The following SMPD4 variants were observed in gnomAD, a reference collection of about 807,000 sequenced individuals.
SMPD4 encodes sphingomyelin phosphodiesterase 4, also known as neutral sphingomyelinase 3.
SMPD4 carries 58 observed loss-of-function variants against 97.8 expected under a neutral mutation model. The ratio of observed to expected loss-of-function variants is 0.59; its 90% CI spans 0.48 to 0.74. The LOEUF (loss-of-function observed/expected upper bound fraction) is 0.74, where lower values mean the gene tolerates loss of function less well. SMPD4 is among the 30% of genes least tolerant of loss of function. The probability of loss-of-function intolerance (pLI) is 0.00; values close to 1 mark genes in which losing one functional copy is unlikely to be tolerated. For missense variants in SMPD4, 853 were observed against 1,080.5 expected (o/e 0.79, Z 2.95); for synonymous variants, 388 against 450.0 (o/e 0.86, Z 1.74).
rs564346261 is a variant in SMPD4 at position 130,179,422 on chromosome 2, C to CT, written c.-46+2107dup. ...AGGCATGACCCACCGCGCCCAGCCT[C>CT]TTTTTTCTTTTTTTGACTGAGTCTC... On this transcript the variant is annotated intron_variant, in intron 1 of 19. Transcript: ENST00000680298. Among the ~76,000 whole-genome samples the CT allele has an allele frequency of 1.3e-3, 205 of 152,038 alleles. 1 individual carries two copies. Among genetic ancestry groups the CT allele is most frequent in the Non-Finnish European group, 2.6e-3 (179 of 67,950 alleles).
In SMPD4 at chr2:130,166,308, CAAAAAAAA is replaced by C. The variant is rs56226182; in HGVS notation, c.792+1142_792+1149del. Among the ~76,000 whole-genome samples the C allele has an allele frequency of 1.9e-3, 118 of 60,924 alleles. 1 individual carries two copies. Among genetic ancestry groups the C allele is most frequent in the Non-Finnish European group, 2.9e-3 (93 of 31,728 alleles). The allele number at this position is 60,924 out of a possible 152,430, so 40.0% of individuals were successfully genotyped here. ...TGGACAACAGAGGGAGACTCCATCT[CAAAAAAAA>C]AAAAAAAAAAAAAAAAAATGCTTTG... On this transcript the variant is annotated intron_variant, in intron 9 of 19. Coordinates refer to ENST00000680298, the MANE Select transcript of SMPD4 (RefSeq NM_017951.5).
intron 11 of SMPD4, chr2:130,158,251 C>T (rs1015978960): frequency 7.8e-6 from 10 of 1,288,768 alleles, no homozygotes; most frequent in Non-Finnish European, 9.1e-6. Flanking sequence ...GTCACTTCCT[C>T]TGTTGCCCAG....
chr2:130,178,282 T>G (rs1035274246), intron 1 of SMPD4, among the ~76,000 whole-genome samples: 1 of 152,192 alleles, frequency 6.6e-6, no homozygotes, highest in African/African-American at 2.4e-5. Flanking sequence ...AGATGTACTA[T>G]GACTGCAGGT....
upstream of SMPD4, chr2:130,181,606 C>G: frequency 1.9e-6 from 3 of 1,597,990 alleles, no homozygotes; most frequent in East Asian, 4.5e-5. Context: ...CGTCATCAAG[C>G]TGCGCGCAGA....
rs556058599 is a variant in SMPD4 at position 130,170,458 on chromosome 2, C to CAAAAAAAAAAAAAAAAAA, written c.659+1890_659+1891insTTTTTTTTTTTTTTTTTT. Among the ~76,000 whole-genome samples, 108 of 64,600 alleles carry CAAAAAAAAAAAAAAAAAA rather than the reference C, an allele frequency of 1.7e-3. 7 individuals are homozygous for CAAAAAAAAAAAAAAAAAA. Among genetic ancestry groups the CAAAAAAAAAAAAAAAAAA allele is most frequent in the Non-Finnish European group, 2.4e-3 (82 of 34,068 alleles). 42.4% of individuals were successfully genotyped at this position (64,600 alleles called of 152,430 possible). ...CCTGGGCAACAGAGTAAGACCCTGT[C>CAAAAAAAAAAAAAAAAAA]AAAAAAAAAAAAAAAAGCACACAAT... On this transcript the variant is annotated intron_variant, in intron 8 of 19. Coordinates refer to ENST00000680298, the MANE Select transcript of SMPD4 (RefSeq NM_017951.5).
At chr2:130,168,815 G>A (rs1688174731) in intron 8 of SMPD4, among the ~76,000 whole-genome samples, 1 of 150,900 alleles carries the variant, frequency 6.6e-6, no homozygotes. Context: ...TCCGCCTCCT[G>A]GGTGCAAGCA....
At chr2:130,170,195 A>C (rs1688313901) in intron 8 of SMPD4, among the ~76,000 whole-genome samples, 1 of 152,108 alleles carries the variant, frequency 6.6e-6, no homozygotes, top group South Asian at 2.1e-4. Flanking sequence ...TTAAAAATAC[A>C]TAATGGCTAG....
At chr2:130,170,558 G>A (rs897670307) in intron 8 of SMPD4, among the ~76,000 whole-genome samples, 7 of 151,572 alleles carry the variant, frequency 4.6e-5, no homozygotes, top group African/African-American at 1.2e-4. Context: ...TCGAGCCCAG[G>A]AGTTCTAGAG....
At chr2:130,180,649 G>A in intron 1 of SMPD4, among the ~76,000 whole-genome samples, 1 of 152,232 alleles carries the variant, frequency 6.6e-6, no homozygotes, top group South Asian at 2.1e-4. Context: ...AGAAAACGCT[G>A]CACTACTACA....
upstream of SMPD4, chr2:130,181,615 G>A (rs1218326408): frequency 6.3e-7 from 1 of 1,592,234 alleles, no homozygotes; most frequent in East Asian, 2.3e-5. Context: ...GCTGCGCGCA[G>A]AGCCACGCCC....
chr2:130,171,631 C>T (rs753759362), intron 8 of SMPD4, among the ~76,000 whole-genome samples: 1 of 152,202 alleles, frequency 6.6e-6, no homozygotes, highest in Admixed American at 6.5e-5. Context: ...CCTCCACCCT[C>T]TGGGGAATCT....
At chr2:130,164,700 A>G (rs1351166108) in intron 9 of SMPD4, among the ~76,000 whole-genome samples, 1 of 152,214 alleles carries the variant, frequency 6.6e-6, no homozygotes, top group Non-Finnish European at 1.5e-5. Flanking sequence ...AGATTTGGCA[A>G]TGATTAATTA....
chr2:130,151,615 C>T lies in SMPD4; in HGVS notation c.*940G>A, dbSNP rs1179978384. The stretch of plus-strand genomic sequence containing the variant: ...TCACCACTGAGATGCTGTTCTCCCT[C>T]GCATGTCGCCTGTGGGGTGAATGAA... On this transcript the variant is annotated 3_prime_UTR_variant, in exon 20 of 20. Coordinates refer to ENST00000680298, the MANE Select transcript of SMPD4 (RefSeq NM_017951.5). 2 of 148,018 alleles carry T rather than the reference C, an allele frequency of 1.4e-5. No individual in the cohort carries two copies. Among genetic ancestry groups the T allele is most frequent in the African/African-American group, 5.1e-5 (2 of 39,362 alleles). The allele number at this position is 148,018 out of a possible 1,614,324, so 9.2% of individuals were successfully genotyped here. A position where few individuals can be genotyped will look rare whatever the true frequency, so the allele number is the denominator to read the frequency against.
intron 1 of SMPD4, among the ~76,000 whole-genome samples, chr2:130,178,941 AG>A (rs1242625927): frequency 1.3e-5 from 2 of 152,148 alleles, no homozygotes; most frequent in Admixed American, 1.3e-4. Context: ...CTGGTGGGCT[AG>A]TTACAGTTTT....
At chr2:130,155,983 A>G (rs1686745958) in intron 14 of SMPD4, 52 bp downstream of exon 14, 2 of 1,571,666 alleles carry the variant, frequency 1.3e-6, no homozygotes, top group Non-Finnish European at 1.7e-6. Context: ...CACTGGAACA[A>G]TATCCACCTG....
chr2:130,153,354 C>A lies in SMPD4; in HGVS notation c.1990G>T (p.Asp664Tyr). Residue 664 changes from aspartate (D) to tyrosine (Y), a missense_variant, in exon 18 of 20, where the codon GAC becomes TAC. Around this residue, in one of 3 missense-constraint regions of SMPD4, gnomAD observed 511 missense variants for 608.1 expected, o/e 0.84. Transcript: ENST00000680298. ...CCCAGGGGCGTAAGGATGAGTCCGT[C>A]CTCACCCACGATGCAGTCGGGGAGT... ...KQLPDCIVGE[D>Y]GLILTPLGRY... 1 of 1,613,854 alleles carries A rather than the reference C, an allele frequency of 6.2e-7. No individual in the cohort carries two copies. The highest frequency in any genetic ancestry group is 8.5e-7 in the Non-Finnish European group (1 of 1,180,028).
intron 8 of SMPD4, 122 bp downstream of exon 8, chr2:130,172,227 T>A: frequency 2.7e-6 from 3 of 1,131,264 alleles, no homozygotes. Context: ...GGATGGGGAA[T>A]GAGGCATAAG....
chr2:130,181,335 C>A, intron 1 of SMPD4, 195 bp downstream of exon 1: 1 of 1,428,340 alleles, frequency 7.0e-7, no homozygotes, highest in South Asian at 1.5e-5. Context: ...GGGAAGGTGG[C>A]ACAAAGGCAT....
Position 130,173,346 on chromosome 2 carries a change from A to G in SMPD4, c.278T>C (p.Met93Thr). The change falls in exon 5 of 20, where the codon ATG (methionine) becomes ACG (threonine). Residue 93 changes from methionine (M) to threonine (T), a missense_variant. Transcript: ENST00000680298. The part of the protein sequence containing the change: ...VMEFLDPGGP[M>T]MKLVYKLQAE... Reference sequence around the variant, plus strand: ...TTGAAGCTTATAAACCAACTTCATCATTGGGCCACTGAACACGAAATTGAA... The same window carrying G: ...TTGAAGCTTATAAACCAACTTCATCGTTGGGCCACTGAACACGAAATTGAA... The G allele has an allele frequency of 6.2e-7, 1 of 1,612,766 alleles. No homozygotes were observed. The highest frequency in any genetic ancestry group is 8.5e-7 in the Non-Finnish European group (1 of 1,179,578).
Sources: gnomAD v4.1 joint callset for allele counts (sites outside exome capture counted in the v4.1 genomes callset) on GRCh38, gnomAD v4.1.1 for gene constraint, gnomAD v4.1.1 regional missense constraint, MANE v1.5 for transcripts, NCBI Gene and HGNC (gene_info 2026-07-23, HGNC 2026-07-21) for gene names.